The following FLRT2 variants were observed in gnomAD, a reference collection of about 807,000 sequenced individuals.
FLRT2 encodes fibronectin leucine rich transmembrane protein 2.
FLRT2 carries 15 observed loss-of-function variants against 40.0 expected under a neutral mutation model. That is an observed-to-expected ratio of 0.38 (90% CI 0.25 to 0.58). The LOEUF is 0.58. Among genes scored for constraint, FLRT2 ranks in the 20% least tolerant of loss-of-function variants. FLRT2 has a pLI of 0.71. For synonymous variants in FLRT2, 380 were observed against 336.8 expected (o/e 1.13, Z -1.41); for missense variants, 726 against 840.0 (o/e 0.86, Z 1.68).
chr14:85,609,342 A>G (rs919924433), intron 1 of FLRT2, among the ~76,000 whole-genome samples: 2 of 152,154 alleles, frequency 1.3e-5, no homozygotes, highest in African/African-American at 2.4e-5. Context: ...TTGTAGGTCT[A>G]AGGTTGGTAC....
chr14:85,603,670 AC>A (rs1892480892), intron 1 of FLRT2, among the ~76,000 whole-genome samples: 1 of 151,946 alleles, frequency 6.6e-6, no homozygotes, highest in Non-Finnish European at 1.5e-5. Flanking sequence ...GGAGTTTGAG[AC>A]CAGTCTGGCC....
chr14:85,599,002 C>G (rs1300247025), intron 1 of FLRT2, among the ~76,000 whole-genome samples: 1 of 148,012 alleles, frequency 6.8e-6, no homozygotes, highest in Non-Finnish European at 1.5e-5. Context: ...ACTGCAAGCT[C>G]CGCCTCCTGG....
At chr14:85,551,168 T>A (rs1436808411) in intron 1 of FLRT2, among the ~76,000 whole-genome samples, 1 of 152,228 alleles carries the variant, frequency 6.6e-6, no homozygotes, top group Non-Finnish European at 1.5e-5. Flanking sequence ...TGATTCCACC[T>A]GTTTACCAGA....
chr14:85,620,468 C>T (rs1343936978), intron 1 of FLRT2, among the ~76,000 whole-genome samples: 1 of 152,000 alleles, frequency 6.6e-6, no homozygotes, highest in Non-Finnish European at 1.5e-5. Context: ...CTAAAATTTT[C>T]CATTAAGCAT....
intron 1 of FLRT2, among the ~76,000 whole-genome samples, chr14:85,577,976 G>A (rs950329399): frequency 6.6e-6 from 1 of 151,564 alleles, no homozygotes; most frequent in Admixed American, 6.6e-5. Context: ...GGCTATCACT[G>A]TCTCTGGAGA....
Position 85,623,757 on chromosome 14 carries a change from G to A in FLRT2, c.*260G>A. On this transcript the variant is annotated 3_prime_UTR_variant, in exon 2 of 2. Coordinates refer to ENST00000330753, the MANE Select transcript of FLRT2 (RefSeq NM_013231.6). Reference sequence around the variant, plus strand: ...AAAAAAAAAAAGTTGCTGAAGTACTGTACAGGGTTGTACAATGAGAACCCA... The same window carrying A: ...AAAAAAAAAAAGTTGCTGAAGTACTATACAGGGTTGTACAATGAGAACCCA... 8.9e-6 allele frequency: 3 copies of A among 335,772 alleles called. No individual in the cohort carries two copies. The highest frequency in any genetic ancestry group is 1.7e-5 in the Non-Finnish European group (3 of 179,032). 20.8% of individuals were successfully genotyped at this position (335,772 alleles called of 1,614,324 possible).
intron 1 of FLRT2, among the ~76,000 whole-genome samples, chr14:85,577,924 G>A (rs925988122): frequency 3.3e-5 from 5 of 151,528 alleles, no homozygotes; most frequent in African/African-American, 7.3e-5. Context: ...TAGGACTTGC[G>A]CGAGAAGGTC....
chr14:85,619,997 A>T (rs570293186), intron 1 of FLRT2, among the ~76,000 whole-genome samples: 1 of 152,234 alleles, frequency 6.6e-6, no homozygotes, highest in African/African-American at 2.4e-5. Context: ...GAGCTTGGCA[A>T]CTCTTCAAGG....
chr14:85,603,746 T>C (rs1892486525), intron 1 of FLRT2, among the ~76,000 whole-genome samples: 2 of 152,070 alleles, frequency 1.3e-5, no homozygotes, highest in African/African-American at 4.8e-5. Context: ...TATGCACCTG[T>C]AGTCCCTGCT....
chr14:85,561,547 C>T (rs1233132454), intron 1 of FLRT2, among the ~76,000 whole-genome samples: 4 of 152,090 alleles, frequency 2.6e-5, no homozygotes, highest in Admixed American at 1.3e-4. Flanking sequence ...TTGTACAGAA[C>T]GAATGTTGGA....
chr14:85,612,585 G>A (rs2139354575), intron 1 of FLRT2, among the ~76,000 whole-genome samples: 1 of 152,132 alleles, frequency 6.6e-6, no homozygotes, highest in Non-Finnish European at 1.5e-5. Flanking sequence ...AGAAGGAGAG[G>A]GTCAAGGATA....
intron 1 of FLRT2, among the ~76,000 whole-genome samples, chr14:85,545,298 C>G (rs893190579): frequency 3.3e-5 from 5 of 152,126 alleles, no homozygotes; most frequent in Admixed American, 1.3e-4. Context: ...CTCATCTAAA[C>G]CTTGTACAGT....
At chr14:85,557,609 G>C (rs1054673401) in intron 1 of FLRT2, among the ~76,000 whole-genome samples, 3 of 152,104 alleles carry the variant, frequency 2.0e-5, no homozygotes, top group Non-Finnish European at 4.4e-5. Context: ...TCAGGAGTTC[G>C]AGACCAGCCT....
rs1325916922 is a variant in FLRT2, at chr14:85,652,553, G to T, written c.*29056G>T. 1 of 152,000 alleles carries T rather than the reference G, an allele frequency of 6.6e-6. No homozygotes were observed. The highest frequency in any genetic ancestry group is 1.5e-5 in the Non-Finnish European group (1 of 67,982). The allele number at this position is 152,000 out of a possible 1,614,324, so 9.4% of individuals were successfully genotyped here. A position where few individuals can be genotyped will look rare whatever the true frequency, so the allele number is the denominator to read the frequency against. On this transcript the variant is annotated 3_prime_UTR_variant, in exon 2 of 2. Coordinates refer to ENST00000330753, the MANE Select transcript of FLRT2 (RefSeq NM_013231.6). ...ACCCATCTTTATTTTTAGACTAAAA[G>T]CCTTTGAATAAAATATTATACAACT...
At chr14:85,569,858 T>G (rs1360074059) in intron 1 of FLRT2, among the ~76,000 whole-genome samples, 1 of 152,186 alleles carries the variant, frequency 6.6e-6, no homozygotes, top group Non-Finnish European at 1.5e-5. Flanking sequence ...ATGACCAAAC[T>G]TTCTTTTAAA....
intron 1 of FLRT2, chr14:85,559,430 T>C (rs1271642444): frequency 6.6e-6 from 1 of 152,216 alleles, no homozygotes; most frequent in Non-Finnish European, 1.5e-5. Context: ...GTAACCACTT[T>C]GGGACTAAAT....
chr14:85,591,718 A>G (rs112181662), intron 1 of FLRT2, among the ~76,000 whole-genome samples: 1 of 152,180 alleles, frequency 6.6e-6, no homozygotes, highest in African/African-American at 2.4e-5. Context: ...GCTTTTGCCA[A>G]TTAGTACATG....
chr14:85,581,777 G>T (rs190885129), intron 1 of FLRT2, among the ~76,000 whole-genome samples: 1 of 152,040 alleles, frequency 6.6e-6, no homozygotes, highest in East Asian at 1.9e-4. Context: ...TATGAGATTG[G>T]TGCCCCAAAG....
At position 85,653,887 on chromosome 14, in the gene FLRT2, AC is replaced by A. The variant is rs1445224996; in HGVS notation, c.*30392del. 6.6e-6 allele frequency: 1 copy of A among 152,130 alleles called. No homozygotes were observed. The highest frequency in any genetic ancestry group is 1.5e-5 in the Non-Finnish European group (1 of 68,016). The allele number at this position is 152,130 out of a possible 1,614,324, so 9.4% of individuals were successfully genotyped here. A position where few individuals can be genotyped will look rare whatever the true frequency, so the allele number is the denominator to read the frequency against. On this transcript the variant is annotated 3_prime_UTR_variant, in exon 2 of 2. Coordinates refer to ENST00000330753, the MANE Select transcript of FLRT2 (RefSeq NM_013231.6). ...AATGAAGAAAACATAGCAAAATTATACCTATTTTTTTAAATTGAAGTACAAA... is the reference window on the plus strand; with the variant it reads ...AATGAAGAAAACATAGCAAAATTATACTATTTTTTTAAATTGAAGTACAAA...
Sources: allele counts gnomAD v4.1 joint callset (sites outside exome capture counted in the v4.1 genomes callset), GRCh38; gene constraint gnomAD v4.1.1; transcripts MANE v1.5; gene names NCBI Gene and HGNC (gene_info 2026-07-23, HGNC 2026-07-21).